PIK3R1: variants seen among roughly 807,000 people sequenced by gnomAD.
PIK3R1 encodes phosphoinositide-3-kinase regulatory subunit 1.
In PIK3R1, 29 loss-of-function variants were observed where a neutral mutation model predicts 98.0. The observed-to-expected ratio is 0.30, with a 90% CI of 0.22 to 0.40. The LOEUF (loss-of-function observed/expected upper bound fraction) is 0.40. Among genes scored for constraint, PIK3R1 ranks in the 10% least tolerant of loss-of-function variants. The pLI, the probability that PIK3R1 is intolerant of heterozygous loss-of-function variation, is 1.00. For missense variants in PIK3R1, 596 were observed against 872.7 expected, an observed-to-expected ratio of 0.68 and a Z score of 3.99; for synonymous variants, 282 against 311.8, an observed-to-expected ratio of 0.90 and a Z score of 1.01.
Position 68,279,634 on chromosome 5 carries a change from G to A in PIK3R1, c.535G>A (p.Val179Met), listed in dbSNP as rs761628909. The change falls in exon 5 of 16, where the codon GTG (valine) becomes ATG (methionine). Residue 179 changes from valine to methionine, a missense_variant. Val to Met is a conservative substitution (Grantham distance 21). Coordinates refer to ENST00000521381, the MANE Select transcript of PIK3R1 (RefSeq NM_181523.3). ...CTCCGTGGACTTGGAAATGATCGAT[G>A]TGCACGTTTTGGCTGACGCTTTCAA... is the stretch of plus-strand genomic sequence containing the variant. Reference protein sequence around the residue: ...TPSVDLEMIDVHVLADAFKRY... With the variant: ...TPSVDLEMIDMHVLADAFKRY... 1.9e-6 allele frequency: 3 copies of A among 1,613,788 alleles called. No individual in the cohort carries two copies. Among genetic ancestry groups the A allele is most frequent in the Admixed American group, 1.7e-5 (1 of 59,998 alleles).
intron 7 of PIK3R1, among the ~76,000 whole-genome samples, chr5:68,283,396 C>T (rs1746932360): frequency 6.6e-6 from 1 of 152,152 alleles, no homozygotes. Context: ...GGTGGGAGTA[C>T]ACATACTCTA....
rs1205418820 is a variant in PIK3R1, at chr5:68,301,432, A to ATGTGTGTGTGTG, written c.*3840_*3841insGTGTGTGTGTGT. 1 of 73,520 alleles carries ATGTGTGTGTGTG rather than the reference A, an allele frequency of 1.4e-5. No homozygotes were observed. Among genetic ancestry groups the ATGTGTGTGTGTG allele is most frequent in the Non-Finnish European group, 2.4e-5 (1 of 40,876 alleles). 4.6% of individuals were successfully genotyped at this position (73,520 alleles called of 1,614,324 possible). On this transcript the variant is annotated 3_prime_UTR_variant, in exon 16 of 16. Transcript: ENST00000521381. ...TATATATATATATATATATATATATATGTGTGTGTATATATATATATATGT... is the reference window on the plus strand; with the variant it reads ...TATATATATATATATATATATATATATGTGTGTGTGTGTGTGTGTGTATATATATATATATGT...
In PIK3R1 at chr5:68,298,791, A is replaced by ATGT. The variant is rs1421824835; in HGVS notation, c.*1195_*1197dup. On this transcript the variant is annotated 3_prime_UTR_variant, in exon 16 of 16. Coordinates refer to ENST00000521381, the MANE Select transcript of PIK3R1 (RefSeq NM_181523.3). ...TGACAAAGTATTGCTGAGTCCAACA[A>ATGT]TGTTGTTTTAAGACTCTTAAAATAC... 8.8e-6 allele frequency: 2 copies of ATGT among 226,992 alleles called. No homozygotes were observed. Among genetic ancestry groups the ATGT allele is most frequent in the Admixed American group, 1.1e-4 (2 of 17,514 alleles). The allele number at this position is 226,992 out of a possible 1,614,324, so 14.1% of individuals were successfully genotyped here. A position where few individuals can be genotyped will look rare whatever the true frequency, so the allele number is the denominator to read the frequency against.
chr5:68,259,474 G>A (rs1745653599), intron 2 of PIK3R1, among the ~76,000 whole-genome samples: 1 of 152,200 alleles, frequency 6.6e-6, no homozygotes, highest in African/African-American at 2.4e-5. Flanking sequence ...TAGAAGGCAT[G>A]ACTATGGAAA....
chr5:68,301,440 G>GTGTA lies in PIK3R1; in HGVS notation c.*3840_*3841insGTAT, dbSNP rs1436306104. On this transcript the variant is annotated 3_prime_UTR_variant, in exon 16 of 16. Transcript: ENST00000521381. ...TATATATATATATATATATGTGTGT[G>GTGTA]TATATATATATATATGTGTATATAT... 2 of 98,922 alleles carry GTGTA rather than the reference G, an allele frequency of 2.0e-5. No homozygotes were observed. Among genetic ancestry groups the GTGTA allele is most frequent in the African/African-American group, 4.5e-5 (1 of 22,046 alleles). The allele number at this position is 98,922 out of a possible 1,614,324, so 6.1% of individuals were successfully genotyped here.
Position 68,301,333 on chromosome 5 carries a change from A to T in PIK3R1, c.*3732A>T, listed in dbSNP as rs1221656277. On this transcript the variant is annotated 3_prime_UTR_variant, in exon 16 of 16. Transcript: ENST00000521381. Reference sequence around the variant, plus strand: ...CACCATGAGATAGCATTAGCTGCCCAGGATGCTGCTATATATATATATATA... The same window carrying T: ...CACCATGAGATAGCATTAGCTGCCCTGGATGCTGCTATATATATATATATA... The T allele has an allele frequency of 6.9e-6, 1 of 145,710 alleles. No individual in the cohort carries two copies. Among genetic ancestry groups the T allele is most frequent in the South Asian group, 2.6e-4 (1 of 3,844 alleles). 9.0% of individuals were successfully genotyped at this position (145,710 alleles called of 1,614,324 possible).
intron 15 of PIK3R1, 152 bp downstream of exon 15, chr5:68,296,493 G>A (rs959969794): frequency 1.4e-5 from 10 of 694,200 alleles, no homozygotes; most frequent in African/African-American, 1.4e-4. Context: ...CAAAGCAGCT[G>A]TAATACCATT....
chr5:68,239,504 T>A (rs1744793989), intron 2 of PIK3R1, among the ~76,000 whole-genome samples: 1 of 152,218 alleles, frequency 6.6e-6, no homozygotes, highest in Non-Finnish European at 1.5e-5. Flanking sequence ...TTCCATTGAC[T>A]TGTTACTTTT....
chr5:68,237,732 AT>A (rs1036698202), intron 2 of PIK3R1, among the ~76,000 whole-genome samples: 15 of 152,084 alleles, frequency 9.9e-5, no homozygotes, highest in African/African-American at 3.1e-4. Context: ...AAAAAAAAAA[AT>A]ATTCTTAACA....
At chr5:68,255,090 G>T (rs1440226033) in intron 2 of PIK3R1, among the ~76,000 whole-genome samples, 1 of 152,140 alleles carries the variant, frequency 6.6e-6, no homozygotes, top group Non-Finnish European at 1.5e-5. Flanking sequence ...TTTGTCTTTG[G>T]GTTGCTCCAG....
At chr5:68,260,922 G>GAA (rs1745718757) in intron 2 of PIK3R1, among the ~76,000 whole-genome samples, 1 of 152,160 alleles carries the variant, frequency 6.6e-6, no homozygotes, top group Non-Finnish European at 1.5e-5. Flanking sequence ...GAATTTTACT[G>GAA]TTCATTCTGG....
chr5:68,251,086 T>C lies in PIK3R1; in HGVS notation c.335-22304T>C, dbSNP rs185427178. Among the ~76,000 whole-genome samples the C allele has an allele frequency of 2.3e-3, 349 of 152,260 alleles. 1 individual carries two copies. Among genetic ancestry groups the C allele is most frequent in the African/African-American group, 8.0e-3 (334 of 41,540 alleles). On this transcript the variant is annotated intron_variant, in intron 2 of 15. Transcript: ENST00000521381. ...GATTTCCAGATAGGATAAAAACCAG[T>C]CAGCACACAATGGGTTACTGCCACC...
In PIK3R1 at chr5:68,300,799, G is replaced by T. The variant is rs1411677075; in HGVS notation, c.*3198G>T. 2 of 233,090 alleles carry T rather than the reference G, an allele frequency of 8.6e-6. No individual in the cohort carries two copies. Among genetic ancestry groups the T allele is most frequent in the East Asian group, 1.2e-4 (2 of 16,576 alleles). 14.4% of individuals were successfully genotyped at this position (233,090 alleles called of 1,614,324 possible). A position where few individuals can be genotyped will look rare whatever the true frequency, so the allele number is the denominator to read the frequency against. On this transcript the variant is annotated 3_prime_UTR_variant, in exon 16 of 16. Transcript: ENST00000521381. The stretch of plus-strand genomic sequence containing the variant: ...AGGTTGCTTTGTTTTGTCTTACAAA[G>T]GTGAAAATTGTTTGTAAGTGAAGTG...
At chr5:68,262,303 T>C (rs1441067808) in intron 2 of PIK3R1, among the ~76,000 whole-genome samples, 2 of 151,026 alleles carry the variant, frequency 1.3e-5, no homozygotes, top group Non-Finnish European at 3.0e-5. Flanking sequence ...ATTCACTCAT[T>C]ACTCAAATAT....
chr5:68,221,680 T>C (rs1357772811), intron 1 of PIK3R1, among the ~76,000 whole-genome samples: 1 of 152,260 alleles, frequency 6.6e-6, no homozygotes, highest in Non-Finnish European at 1.5e-5. Flanking sequence ...CTTTTTTGTT[T>C]GGCTCTTTGC....
chr5:68,231,785 C>T (rs1434061154), intron 2 of PIK3R1, among the ~76,000 whole-genome samples: 1 of 152,202 alleles, frequency 6.6e-6, no homozygotes, highest in East Asian at 1.9e-4. Flanking sequence ...TTCACTCTTC[C>T]TTCCTACTTA....
intron 2 of PIK3R1, among the ~76,000 whole-genome samples, chr5:68,261,615 C>T (rs1270658909): frequency 1.3e-5 from 2 of 152,048 alleles, no homozygotes; most frequent in African/African-American, 4.8e-5. Flanking sequence ...AAATGAATGT[C>T]TTCAGAAGGC....
chr5:68,247,411 G>A (rs950350953), intron 2 of PIK3R1, among the ~76,000 whole-genome samples: 4 of 151,912 alleles, frequency 2.6e-5, no homozygotes, highest in South Asian at 4.2e-4. Context: ...TGATCCTCCC[G>A]CCTCAGCCTC....
chr5:68,295,386 G>A (rs1230071495), intron 13 of PIK3R1, 34 bp from the exon 14 acceptor site: 1 of 1,613,610 alleles, frequency 6.2e-7, no homozygotes, highest in African/African-American at 1.3e-5. Flanking sequence ...TTCAGGATGA[G>A]TTAATGCGTT....
Sources: gnomAD v4.1 joint callset for allele counts (sites outside exome capture counted in the v4.1 genomes callset) on GRCh38, gnomAD v4.1.1 for gene constraint, MANE v1.5 for transcripts, NCBI Gene and HGNC (gene_info 2026-07-23, HGNC 2026-07-21) for gene names.